The following ATIC variants were observed in gnomAD, a reference collection of about 807,000 sequenced individuals.
The protein encoded by ATIC is 5-aminoimidazole-4-carboxamide ribonucleotide formyltransferase/IMP cyclohydrolase.
In ATIC, 64 loss-of-function variants were observed where a neutral mutation model predicts 72.5. The ratio of observed to expected loss-of-function variants is 0.88; its 90% CI spans 0.72 to 1.09. The LOEUF is 1.09. Ranked by LOEUF, ATIC falls within the 50% of genes least tolerant of loss-of-function variation. The probability of loss-of-function intolerance (pLI) is 0.00; values close to 1 mark genes in which losing one functional copy is unlikely to be tolerated. For missense variants in ATIC, 787 were observed against 732.4 expected (o/e 1.07, Z -0.86); for synonymous variants, 281 against 267.1 (o/e 1.05, Z -0.51).
chr2:215,354,064 G>A (rs937400078), downstream of ATIC, among the ~76,000 whole-genome samples: 3 of 151,518 alleles, frequency 2.0e-5, no homozygotes, highest in African/African-American at 4.8e-5. Context: ...CCCTGTTGCC[G>A]ATGCCCAGGC....
At chr2:215,327,684 A>G (rs762325861) in intron 7 of ATIC, among the ~76,000 whole-genome samples, 21 of 152,110 alleles carry the variant, frequency 1.4e-4, no homozygotes, top group Non-Finnish European at 2.4e-4. Flanking sequence ...CCCAAGCACT[A>G]CCGGTGCAGC....
chr2:215,337,731 A>G (rs965603206), intron 11 of ATIC, among the ~76,000 whole-genome samples: 1 of 152,208 alleles, frequency 6.6e-6, no homozygotes, highest in Non-Finnish European at 1.5e-5. Flanking sequence ...CTTAACAACC[A>G]TTAGCATTTT....
chr2:215,349,908 CAT>C (rs1385748052), downstream of ATIC: 14 of 589,158 alleles, frequency 2.4e-5, no homozygotes, highest in Non-Finnish European at 4.0e-5. Context: ...CCGTGTGAAA[CAT>C]AAACATTAGC....
At chr2:215,321,077 C>G (rs980330994) in intron 4 of ATIC, among the ~76,000 whole-genome samples, 12 of 152,156 alleles carry the variant, frequency 7.9e-5, no homozygotes, top group Non-Finnish European at 5.9e-5. Flanking sequence ...ATTGCCACAT[C>G]CAATATTAAA....
chr2:215,348,705 A>G lies in ATIC; in HGVS notation c.1504-389A>G, dbSNP rs181608748. Reference sequence around the variant, plus strand: ...TGGCCGGGCGCGGTGGCTCATGCCTATAATCCCAGCACTTTGGGAGGCCGA... The same window carrying G: ...TGGCCGGGCGCGGTGGCTCATGCCTGTAATCCCAGCACTTTGGGAGGCCGA... On this transcript the variant is annotated intron_variant, in intron 14 of 15. Transcript: ENST00000236959. 1,220 of 411,098 alleles carry G rather than the reference A, an allele frequency of 3.0e-3. 13 individuals carry two copies. Among genetic ancestry groups the G allele is most frequent in the African/African-American group, 0.023 (1,092 of 46,812 alleles). 25.5% of individuals were successfully genotyped at this position (411,098 alleles called of 1,614,324 possible). A position where few individuals can be genotyped will look rare whatever the true frequency, so the allele number is the denominator to read the frequency against.
intron 11 of ATIC, among the ~76,000 whole-genome samples, chr2:215,337,979 T>C (rs534526566): frequency 3.9e-5 from 6 of 152,382 alleles, no homozygotes; most frequent in African/African-American, 1.4e-4. Context: ...ATATCAATTT[T>C]AGAAATTTTA....
At position 215,326,834 on chromosome 2, in the gene ATIC, A is replaced by G. The variant is rs1482472116; in HGVS notation, c.544A>G (p.Thr182Ala). ...ACGCTTTTTGTAGGCATTCACTCAT[A>G]CGGCACAATATGATGAAGCAATTTC... ...RQLALKAFTH[T>A]AQYDEAISDY... Residue 182 changes from threonine to alanine, a missense_variant, in exon 7 of 16, where the codon ACG becomes GCG. Thr to Ala is a moderately conservative substitution (Grantham distance 58). Coordinates refer to ENST00000236959, the MANE Select transcript of ATIC (RefSeq NM_004044.7). 6.2e-7 allele frequency: 1 copy of G among 1,613,926 alleles called. No individual in the cohort carries two copies. Among genetic ancestry groups the G allele is most frequent in the African/African-American group, 1.3e-5 (1 of 74,860 alleles).
intron 7 of ATIC, among the ~76,000 whole-genome samples, chr2:215,329,288 T>A (rs2052864271): frequency 6.6e-6 from 1 of 152,246 alleles, no homozygotes; most frequent in Non-Finnish European, 1.5e-5. Flanking sequence ...TACTTTTCAT[T>A]TTCCAAAGCA....
chr2:215,344,948 T>G (rs944531914), intron 13 of ATIC, 77 bp downstream of exon 13: 14 of 1,428,528 alleles, frequency 9.8e-6, no homozygotes, highest in Admixed American at 1.8e-5. Flanking sequence ...CTGCCTTAGA[T>G]ATTGGACAGC....
rs749904106 is a variant in ATIC at position 215,326,153 on chromosome 2, C to A, written c.531+15C>A. 5.6e-6 allele frequency: 9 copies of A among 1,613,474 alleles called. No homozygotes were observed. The African/African-American group carries it at 9.3e-5, about 17-fold the overall frequency. ...TAGCCTTGAAGGTGGGATGCACTTT[C>A]ATGATATTGTAAGTTACATCCATGG... is the stretch of plus-strand genomic sequence containing the variant. On this transcript the variant is annotated intron_variant, in intron 6 of 15. Transcript: ENST00000236959.
the ATIC span, among the ~76,000 whole-genome samples, chr2:215,359,735 ATTTT>A: frequency 6.7e-6 from 1 of 149,288 alleles, no homozygotes; most frequent in Non-Finnish European, 1.5e-5. Context: ...GGGAGTTAGT[ATTTT>A]TTTTTTTCAA....
intron 6 of ATIC, 48 bp from the exon 7 acceptor site, chr2:215,326,774 A>C (rs768392578): frequency 2.3e-5 from 37 of 1,611,602 alleles, no homozygotes; most frequent in Non-Finnish European, 3.1e-5. Flanking sequence ...TCTTGTCCCC[A>C]CTTTGGAAAG....
In ATIC at chr2:215,334,911, A is replaced by T. The variant is rs1439055422; in HGVS notation, c.923-8A>T. 2 of 1,611,300 alleles carry T rather than the reference A, an allele frequency of 1.2e-6. No homozygotes were observed. The highest frequency in any genetic ancestry group is 4.5e-5 in the East Asian group (2 of 44,720). On this transcript the variant is annotated splice_polypyrimidine_tract_variant and splice_region_variant and intron_variant, in intron 9 of 15. Coordinates refer to ENST00000236959, the MANE Select transcript of ATIC (RefSeq NM_004044.7). Reference sequence around the variant, plus strand: ...GTGATAAATACCTCATTTTAATTTTATTTACAGGGGCTGATAGGATGTCTT... The same window carrying T: ...GTGATAAATACCTCATTTTAATTTTTTTTACAGGGGCTGATAGGATGTCTT...
At chr2:215,330,454 A>T (rs904834290) in intron 7 of ATIC, among the ~76,000 whole-genome samples, 4 of 152,204 alleles carry the variant, frequency 2.6e-5, no homozygotes, top group Admixed American at 2.0e-4. Flanking sequence ...TCCTGTTAAC[A>T]TCATGCATTA....
At chr2:215,322,926 T>TTTTG (rs1469923455) in intron 4 of ATIC, among the ~76,000 whole-genome samples, 1 of 151,948 alleles carries the variant, frequency 6.6e-6, no homozygotes, top group Non-Finnish European at 1.5e-5. Flanking sequence ...TTTTTCTGTT[T>TTTTG]TTTGTTTGTT....
chr2:215,313,268 G>C (rs973233957), intron 2 of ATIC, among the ~76,000 whole-genome samples: 1 of 152,184 alleles, frequency 6.6e-6, no homozygotes, highest in Non-Finnish European at 1.5e-5. Flanking sequence ...CAGTTACTTT[G>C]ACTGGTGATT....
chr2:215,323,545 A>G (rs1444617878), intron 4 of ATIC, among the ~76,000 whole-genome samples: 1 of 152,142 alleles, frequency 6.6e-6, no homozygotes, highest in Non-Finnish European at 1.5e-5. Flanking sequence ...TGATTTTTAT[A>G]TATTGATCAT....
intron 3 of ATIC, 101 bp from the exon 4 acceptor site, chr2:215,319,564 T>A: frequency 1.1e-6 from 1 of 896,364 alleles, no homozygotes; most frequent in Non-Finnish European, 1.8e-6. Context: ...TTTTTTTTAA[T>A]CAATGGGATT....
the ATIC span, chr2:215,364,839 C>G: frequency 1.4e-6 from 2 of 1,385,112 alleles, no homozygotes; most frequent in Non-Finnish European, 2.0e-6. Flanking sequence ...CACCCTTTAT[C>G]TTATCTAACT....
Sources: allele counts gnomAD v4.1 joint callset (sites outside exome capture counted in the v4.1 genomes callset), GRCh38; gene constraint gnomAD v4.1.1; transcripts MANE v1.5; gene names NCBI Gene and HGNC (gene_info 2026-07-23, HGNC 2026-07-21).